Variants in GARIN1B observed in about 807,000 individuals in gnomAD.
The protein encoded by GARIN1B is Golgi-associated RAB2 interactor protein 1B.
At chr7:128,718,858 C>G in the GARIN1B span, 1 of 1,614,082 alleles carries the variant, frequency 6.2e-7, no homozygotes, top group East Asian at 2.2e-5. Context: ...TTGTGGAGCT[C>G]CAGGTATGTG....
chr7:128,719,101 C>A, the GARIN1B span: 1 of 1,609,858 alleles, frequency 6.2e-7, no homozygotes. Context: ...AGCACCATTG[C>A]CACCCTGCAG....
At chr7:128,715,713 A>G in the GARIN1B span, 1 of 1,584,656 alleles carries the variant, frequency 6.3e-7, no homozygotes, top group Non-Finnish European at 8.7e-7. Flanking sequence ...GGCGCAGAAT[A>G]GCACTCTTTG....
chr7:128,721,555 G>A, the GARIN1B span, among the ~76,000 whole-genome samples: 1 of 152,136 alleles, frequency 6.6e-6, no homozygotes. Flanking sequence ...AATAAGGACA[G>A]TTTCATATCT....
At chr7:128,723,158 G>C in the GARIN1B span, 223 of 1,560,950 alleles carry the variant, frequency 1.4e-4, no homozygotes, top group Non-Finnish European at 1.8e-4. Context: ...AAGACCCCAA[G>C]GCCTTAACCA....
chr7:128,717,570 C>T, the GARIN1B span, among the ~76,000 whole-genome samples: 863 of 151,604 alleles, frequency 5.7e-3, 5 homozygotes, highest in Non-Finnish European at 0.01. Context: ...CCTCAGCCTC[C>T]CGAGTAGCTG....
chr7:128,712,234 A>T, the GARIN1B span, among the ~76,000 whole-genome samples: 1 of 152,086 alleles, frequency 6.6e-6, no homozygotes, highest in African/African-American at 2.4e-5. Flanking sequence ...CCCTAGGAGG[A>T]CCTCTAGCAA....
the GARIN1B span, among the ~76,000 whole-genome samples, chr7:128,728,253 C>G: frequency 4.6e-5 from 7 of 152,074 alleles, no homozygotes; most frequent in African/African-American, 1.7e-4. Context: ...ACCAGCCTAG[C>G]CAACATGGTG....
the GARIN1B span, chr7:128,729,929 T>A: frequency 6.2e-7 from 1 of 1,614,120 alleles, no homozygotes; most frequent in Non-Finnish European, 8.5e-7. Context: ...GAAGACAGCA[T>A]CCCTTGCACC....
At chr7:128,715,666 G>A in the GARIN1B span, 18 of 1,613,974 alleles carry the variant, frequency 1.1e-5, no homozygotes, top group Non-Finnish European at 1.5e-5. Context: ...TTGACTCCGT[G>A]GTGTTTGAAA....
chr7:128,722,526 C>T, the GARIN1B span, among the ~76,000 whole-genome samples: 16 of 152,150 alleles, frequency 1.1e-4, no homozygotes, highest in East Asian at 2.7e-3. Context: ...ACCAATTAGG[C>T]CAGGCGCGGT....
the GARIN1B span, among the ~76,000 whole-genome samples, chr7:128,716,064 T>A: frequency 6.6e-6 from 1 of 152,088 alleles, no homozygotes; most frequent in Admixed American, 6.6e-5. Flanking sequence ...GCACCTGGGG[T>A]CCCAGAGACA....
the GARIN1B span, chr7:128,717,001 A>G: frequency 6.2e-7 from 1 of 1,605,308 alleles, no homozygotes; most frequent in Non-Finnish European, 8.5e-7. Context: ...TGAAGAGGTG[A>G]GCAATGCAGA....
At chr7:128,714,546 T>C in the GARIN1B span, among the ~76,000 whole-genome samples, 1 of 151,016 alleles carries the variant, frequency 6.6e-6, no homozygotes, top group East Asian at 2.0e-4. Context: ...CACATTGTAC[T>C]CCAGCCTGAG....
the GARIN1B span, among the ~76,000 whole-genome samples, chr7:128,717,749 G>GT: frequency 8.9e-6 from 1 of 112,848 alleles, no homozygotes; most frequent in African/African-American, 3.4e-5. Flanking sequence ...GCCCGGCCAG[G>GT]TTTTTTTTGT....
chr7:128,709,997 C>T, the GARIN1B span, among the ~76,000 whole-genome samples: 33 of 151,714 alleles, frequency 2.2e-4, no homozygotes, highest in African/African-American at 5.3e-4. Flanking sequence ...ATGATCCACC[C>T]GCCTCCATCT....
At chr7:128,728,759 A>G in the GARIN1B span, among the ~76,000 whole-genome samples, 215 of 152,364 alleles carry the variant, frequency 1.4e-3, 1 homozygote, top group South Asian at 5.6e-3. Flanking sequence ...TAGTGGGCAA[A>G]CAAAACATAT....
chr7:128,724,904 A>C, the GARIN1B span: 1 of 1,277,998 alleles, frequency 7.8e-7, no homozygotes, highest in South Asian at 1.3e-5. Flanking sequence ...ACATGGGCCC[A>C]AGTCATTGCT....
At chr7:128,710,032 C>T in the GARIN1B span, among the ~76,000 whole-genome samples, 2 of 152,060 alleles carry the variant, frequency 1.3e-5, no homozygotes, top group Non-Finnish European at 2.9e-5. Flanking sequence ...ATTCTCCTGC[C>T]TCAATCTCCT....
the GARIN1B span, among the ~76,000 whole-genome samples, chr7:128,710,203 C>T: frequency 6.6e-6 from 1 of 152,176 alleles, no homozygotes; most frequent in Non-Finnish European, 1.5e-5. Context: ...GTGTGAGCCA[C>T]CACACCCAGC....
Sources: gnomAD v4.1 joint callset for allele counts (sites outside exome capture counted in the v4.1 genomes callset) on GRCh38, gnomAD v4.1.1 for gene constraint, MANE v1.5 for transcripts, NCBI Gene and HGNC (gene_info 2026-07-23, HGNC 2026-07-21) for gene names.